Variants in TSPEAR observed in about 807,000 individuals in gnomAD.
TSPEAR encodes thrombospondin type laminin G domain and EAR repeats.
A neutral mutation model predicts 71.6 loss-of-function variants in TSPEAR; 69 were observed. The ratio of observed to expected loss-of-function variants is 0.96; its 90% CI spans 0.79 to 1.18. The LOEUF (loss-of-function observed/expected upper bound fraction) is 1.18, where lower values mean the gene tolerates loss of function less well. Among genes scored for constraint, TSPEAR ranks in the 50% most tolerant of loss-of-function variants. The pLI, the probability that TSPEAR is intolerant of heterozygous loss-of-function variation, is 0.00. For synonymous variants in TSPEAR, 402 were observed against 387.2 expected (o/e 1.04, Z -0.45); for missense variants, 971 against 894.9 (o/e 1.09, Z -1.09).
intron 1 of TSPEAR, among the ~76,000 whole-genome samples, chr21:44,629,487 G>A (rs1983128273): frequency 6.6e-6 from 1 of 152,200 alleles, no homozygotes; most frequent in African/African-American, 2.4e-5. Context: ...CCAGTCATTG[G>A]ATTAGGGCCC....
chr21:44,634,065 T>G (rs1307387848), intron 1 of TSPEAR, among the ~76,000 whole-genome samples: 1 of 152,056 alleles, frequency 6.6e-6, no homozygotes, highest in South Asian at 2.1e-4. Context: ...GGTAACAGAG[T>G]AAGACCCTGG....
intron 2 of TSPEAR, among the ~76,000 whole-genome samples, chr21:44,542,663 T>C (rs1032888659): frequency 1.3e-5 from 2 of 150,662 alleles, no homozygotes; most frequent in East Asian, 3.9e-4. Flanking sequence ...GGAGAATCAC[T>C]TGAGCCTGGG....
intron 11 of TSPEAR, among the ~76,000 whole-genome samples, chr21:44,502,876 A>AGTCC (rs1555911255): frequency 1.3e-3 from 191 of 143,768 alleles, no homozygotes; most frequent in African/African-American, 4.5e-3. Context: ...CTCTGGGAGG[A>AGTCC]GGCCGGCCTC....
intron 8 of TSPEAR, among the ~76,000 whole-genome samples, chr21:44,524,392 G>A (rs2052803806): frequency 6.6e-6 from 1 of 151,390 alleles, no homozygotes; most frequent in South Asian, 2.1e-4. Context: ...GTCAGTTAGT[G>A]GGAGAGTCAG....
At chr21:44,608,546 G>T (rs1463865058) in intron 1 of TSPEAR, among the ~76,000 whole-genome samples, 1 of 152,106 alleles carries the variant, frequency 6.6e-6, no homozygotes, top group Non-Finnish European at 1.5e-5. Flanking sequence ...ATAAATTTCT[G>T]CAAATCAATA....
At chr21:44,632,704 G>A (rs1048888407) in intron 1 of TSPEAR, among the ~76,000 whole-genome samples, 6 of 152,118 alleles carry the variant, frequency 3.9e-5, no homozygotes, top group African/African-American at 1.2e-4. Flanking sequence ...ATAGCTGAGT[G>A]TGGTGGTGGG....
intron 1 of TSPEAR, chr21:44,601,061 C>A (rs1411556593): frequency 1.2e-6 from 2 of 1,611,630 alleles, no homozygotes; most frequent in Non-Finnish European, 1.7e-6. Context: ...GCTTGCTGCA[C>A]CTCCTCCCCC....
At chr21:44,595,653 C>T (rs868944899) in intron 1 of TSPEAR, among the ~76,000 whole-genome samples, 2 of 152,172 alleles carry the variant, frequency 1.3e-5, no homozygotes, top group Non-Finnish European at 2.9e-5. Context: ...CGTGGAGGAA[C>T]GTGCGGCACT....
At chr21:44,580,744 C>T (rs1176533157) in intron 1 of TSPEAR, 15 of 736,816 alleles carry the variant, frequency 2.0e-5, no homozygotes, top group South Asian at 1.7e-4. Flanking sequence ...AGCTTCTCTT[C>T]CTTGTTGGTG....
Position 44,600,726 on chromosome 21 carries a change from C to G in TSPEAR, c.83-32721G>C, listed in dbSNP as rs373342166. 3.7e-6 allele frequency: 6 copies of G among 1,612,610 alleles called. No individual in the cohort carries two copies. The East Asian group carries it at 1.3e-4, about 36-fold the overall frequency. On this transcript the variant is annotated intron_variant, in intron 1 of 11. Coordinates refer to ENST00000323084, the MANE Select transcript of TSPEAR (RefSeq NM_144991.3). The stretch of plus-strand genomic sequence containing the variant: ...CTTGCTCCGACTCCTGGCAGGTGGA[C>G]GACTGCCCAGAGAGCTGCTGCGAGC...
rs1337057601 is a variant in TSPEAR, at chr21:44,695,867, C to A, written c.82+15566G>T. On this transcript the variant is annotated intron_variant, in intron 1 of 11. Transcript: ENST00000323084. This position sits in a 1 kb window ranked among gnomAD's most constrained non-coding sequence, Gnocchi z 4.5. ...GGGCCCATCCACCACACACCTCGAG[C>A]CCTCACCTGCTGGTCACTGCCTGTG... Among the ~76,000 whole-genome samples the A allele has an allele frequency of 6.6e-6, 1 of 152,138 alleles. No individual in the cohort carries two copies. Among genetic ancestry groups the A allele is most frequent in the African/African-American group, 2.4e-5 (1 of 41,416 alleles).
At chr21:44,544,188 A>C (rs1464547669) in intron 2 of TSPEAR, among the ~76,000 whole-genome samples, 2 of 152,218 alleles carry the variant, frequency 1.3e-5, no homozygotes, top group African/African-American at 4.8e-5. Flanking sequence ...TTTGCCATCC[A>C]TATTTGTTCT....
chr21:44,501,840 C>A (rs2052037965), intron 11 of TSPEAR, among the ~76,000 whole-genome samples: 1 of 152,094 alleles, frequency 6.6e-6, no homozygotes, highest in Non-Finnish European at 1.5e-5. Context: ...TGAATTTAAC[C>A]CAGCTGTCAG....
intron 1 of TSPEAR, among the ~76,000 whole-genome samples, chr21:44,683,301 CA>C (rs869250471): frequency 2.3e-5 from 1 of 43,810 alleles, no homozygotes; most frequent in Non-Finnish European, 5.1e-5. Flanking sequence ...ACGGCTAGAA[CA>C]AAAATCAGAA....
At chr21:44,586,014 G>T (rs1226006606) in intron 1 of TSPEAR, among the ~76,000 whole-genome samples, 3 of 152,210 alleles carry the variant, frequency 2.0e-5, no homozygotes, top group African/African-American at 7.2e-5. Flanking sequence ...AGGGGCTTTG[G>T]TTCATTTTGG....
intron 1 of TSPEAR, among the ~76,000 whole-genome samples, chr21:44,667,753 A>G (rs1555945162): frequency 6.6e-6 from 1 of 152,242 alleles, no homozygotes; most frequent in Non-Finnish European, 1.5e-5. Context: ...CTCTGAGCCT[A>G]CAGATGTCAA....
rs782701303 is a variant in TSPEAR, at chr21:44,521,884, G to C, written c.1565C>G (p.Pro522Arg). 1 of 1,613,160 alleles carries C rather than the reference G, an allele frequency of 6.2e-7. No homozygotes were observed. The highest frequency in any genetic ancestry group is 8.5e-7 in the Non-Finnish European group (1 of 1,179,632). ...LGSFQLFQSF[P>R]TFGAADWEVF... ...CGGGGCTCATGCGGGGGGCCTTACC[G>C]GGAAGGACTGGAAGAGCTGGAAGGA... The change falls in exon 9 of 12, where the codon CCG (proline) becomes CGG (arginine). Residue 522 changes from proline (P) to arginine (R), a missense_variant and splice_region_variant. Physicochemically the swap from Pro to Arg is moderately radical, Grantham distance 103 (BLOSUM62 -2). Transcript: ENST00000323084.
At chr21:44,681,623 G>T in intron 1 of TSPEAR, 1 of 567,394 alleles carries the variant, frequency 1.8e-6, no homozygotes, top group Non-Finnish European at 3.0e-6. Flanking sequence ...GTCAGAGAAT[G>T]ACTCTGGGAC....
At chr21:44,523,065 G>A (rs2052767507) in intron 8 of TSPEAR, among the ~76,000 whole-genome samples, 1 of 151,048 alleles carries the variant, frequency 6.6e-6, no homozygotes. Context: ...CAGCCAGGTA[G>A]TTAGTCAGTT....
Sources: allele counts gnomAD v4.1 joint callset (sites outside exome capture counted in the v4.1 genomes callset), GRCh38; gene constraint gnomAD v4.1.1; non-coding constraint Gnocchi (gnomAD v3.1); transcripts MANE v1.5; gene names NCBI Gene and HGNC (gene_info 2026-07-23, HGNC 2026-07-21).